Variants in PITPNA observed in about 807,000 individuals in gnomAD.
The protein encoded by PITPNA is phosphatidylinositol transfer protein alpha.
A neutral mutation model predicts 50.3 loss-of-function variants in PITPNA; 13 were observed. The ratio of observed to expected loss-of-function variants is 0.26; its 90% confidence interval spans 0.17 to 0.41. PITPNA has a LOEUF of 0.41. PITPNA is among the 10% of genes least tolerant of loss of function. PITPNA has a pLI of 1.00. For synonymous variants in PITPNA, 120 were observed against 119.6 expected (o/e 1.00, Z -0.02); for missense variants, 207 against 333.4 (o/e 0.62, Z 2.95).
chr17:1,553,752 C>T (rs775440406), intron 2 of PITPNA, among the ~76,000 whole-genome samples: 22 of 152,318 alleles, frequency 1.4e-4, no homozygotes, highest in Admixed American at 2.6e-4. Context: ...GTGCTCAGCG[C>T]TCTGTGAAAT....
At chr17:1,528,358 C>T (rs1296980236) in intron 10 of PITPNA, among the ~76,000 whole-genome samples, 1 of 152,174 alleles carries the variant, frequency 6.6e-6, no homozygotes, top group African/African-American at 2.4e-5. Flanking sequence ...CCAGGCTGGT[C>T]TGGAACTTCT....
In PITPNA at chr17:1,548,314, A is replaced by C; in HGVS notation, c.271T>G (p.Tyr91Asp). 1 of 1,607,994 alleles carries C rather than the reference A, an allele frequency of 6.2e-7. No homozygotes were observed. Among genetic ancestry groups the C allele is most frequent in the Non-Finnish European group, 8.5e-7 (1 of 1,177,276 alleles). The change falls in exon 4 of 12, where the codon TAC becomes GAC. Residue 91 changes from tyrosine to aspartate, a missense_variant. By Grantham distance (160) the Tyr-to-Asp change is radical. Coordinates refer to ENST00000313486, the MANE Select transcript of PITPNA (RefSeq NM_006224.4). ...LNIHEKAWNAYPYCRTVITNE... is the reference protein window; with the variant it reads ...LNIHEKAWNADPYCRTVITNE... ...CACTCACCGGTTCTGCAGTAGGGGT[A>C]AGCATTCCAGGCTTTCTCGTGTATA... is the stretch of plus-strand genomic sequence containing the variant.
chr17:1,536,490 C>T (rs573883807), intron 7 of PITPNA, among the ~76,000 whole-genome samples: 70 of 152,102 alleles, frequency 4.6e-4, no homozygotes, highest in Admixed American at 1.8e-3. Flanking sequence ...GGGGTTTCAC[C>T]GTGTTAGCCA....
At chr17:1,549,783 TC>T (rs1362163225) in intron 3 of PITPNA, among the ~76,000 whole-genome samples, 1 of 145,278 alleles carries the variant, frequency 6.9e-6, no homozygotes, top group Admixed American at 7.2e-5. Flanking sequence ...CCAGCAATCC[TC>T]CTTCCTCAGC....
At chr17:1,552,617 A>G (rs745368264) in intron 3 of PITPNA, among the ~76,000 whole-genome samples, 76 of 113,270 alleles carry the variant, frequency 6.7e-4, no homozygotes, top group Non-Finnish European at 1.5e-3. Context: ...CTGCATATAC[A>G]AGTACATCAG....
chr17:1,551,288 CTT>C (rs1215788872), intron 3 of PITPNA, among the ~76,000 whole-genome samples: 3 of 142,798 alleles, frequency 2.1e-5, no homozygotes, highest in Admixed American at 7.0e-5. Context: ...TCTTTTTTTT[CTT>C]TTTTTTTTTT....
chr17:1,538,993 G>T, intron 6 of PITPNA, 41 bp from the exon 7 acceptor site: 1 of 1,373,254 alleles, frequency 7.3e-7, no homozygotes, highest in Non-Finnish European at 1.0e-6. Context: ...GTTTTTGTCA[G>T]TTATAAAATA....
chr17:1,558,648 A>G (rs1031237881), intron 1 of PITPNA, 89 bp from the exon 2 acceptor site: 31 of 920,430 alleles, frequency 3.4e-5, no homozygotes, highest in South Asian at 1.8e-4. Context: ...AGTCAGCAGC[A>G]TTCTATTGTG....
chr17:1,523,882 C>T (rs2075529755), intron 10 of PITPNA, among the ~76,000 whole-genome samples: 1 of 151,754 alleles, frequency 6.6e-6, no homozygotes, highest in Non-Finnish European at 1.5e-5. Context: ...TAGTCTCGAA[C>T]CCCTGGACTT....
chr17:1,539,532 C>G (rs1261207959), intron 6 of PITPNA, among the ~76,000 whole-genome samples: 1 of 145,404 alleles, frequency 6.9e-6, no homozygotes, highest in Non-Finnish European at 1.5e-5. Flanking sequence ...CCTGTTACAG[C>G]CTCCTGAAGA....
intron 4 of PITPNA, among the ~76,000 whole-genome samples, chr17:1,546,261 T>C (rs2075673762): frequency 6.6e-6 from 1 of 151,958 alleles, no homozygotes; most frequent in Non-Finnish European, 1.5e-5. Flanking sequence ...CATCCCTCAT[T>C]TCCAAGAATC....
Position 1,547,102 on chromosome 17 carries a change from G to T in PITPNA, c.289+1194C>A, listed in dbSNP as rs568166177. ...AGGCCAGGCACAGTGGCTCATGCCT[G>T]TAATGCCAGCACTTTGGGAGGCCAA... On this transcript the variant is annotated intron_variant, in intron 4 of 11. Transcript: ENST00000313486. 4.6e-5 allele frequency among the ~76,000 whole-genome samples: 7 copies of T among 151,020 alleles called. No homozygotes were observed. In the South Asian group the frequency reaches 1.5e-3, roughly 32 times the overall value.
intron 4 of PITPNA, among the ~76,000 whole-genome samples, chr17:1,547,701 A>G (rs1023413031): frequency 6.6e-6 from 1 of 151,714 alleles, no homozygotes; most frequent in Non-Finnish European, 1.5e-5. Flanking sequence ...TTTTTCGAGA[A>G]AATGTGTCTG....
chr17:1,535,785 C>A (rs894037899), intron 7 of PITPNA: 1 of 465,438 alleles, frequency 2.1e-6, no homozygotes, highest in African/African-American at 2.0e-5. Context: ...ACATATTTAC[C>A]GTGTTGAAGA....
chr17:1,532,141 G>T (rs2075586890), intron 10 of PITPNA, among the ~76,000 whole-genome samples: 1 of 152,142 alleles, frequency 6.6e-6, no homozygotes, highest in Non-Finnish European at 1.5e-5. Flanking sequence ...AGGCTGGAGT[G>T]CAATGGCATG....
At chr17:1,549,598 G>A (rs1382796735) in intron 3 of PITPNA, among the ~76,000 whole-genome samples, 2 of 144,508 alleles carry the variant, frequency 1.4e-5, no homozygotes, top group East Asian at 2.5e-4. Flanking sequence ...TTACAGTGGC[G>A]TGAGCCACCG....
intron 10 of PITPNA, among the ~76,000 whole-genome samples, chr17:1,523,716 G>C (rs1480282583): frequency 6.6e-6 from 1 of 151,634 alleles, no homozygotes; most frequent in Non-Finnish European, 1.5e-5. Flanking sequence ...TCACCATGTT[G>C]GTCAGGATGA....
At chr17:1,534,962 T>C (rs1446615592) in intron 9 of PITPNA, among the ~76,000 whole-genome samples, 6 of 152,120 alleles carry the variant, frequency 3.9e-5, no homozygotes, top group African/African-American at 7.2e-5. Flanking sequence ...TCTTCTTCAC[T>C]GGGCCAAACA....
intron 10 of PITPNA, among the ~76,000 whole-genome samples, chr17:1,525,784 C>T (rs1218577344): frequency 6.6e-6 from 1 of 152,214 alleles, no homozygotes; most frequent in East Asian, 1.9e-4. Flanking sequence ...TCCCAAAGTG[C>T]TGGGATGACA....
Sources: gnomAD v4.1 joint callset for allele counts (sites outside exome capture counted in the v4.1 genomes callset) on GRCh38, gnomAD v4.1.1 for gene constraint, MANE v1.5 for transcripts, NCBI Gene and HGNC (gene_info 2026-07-23, HGNC 2026-07-21) for gene names.